Variants in REC114 observed in about 807,000 individuals in gnomAD.
REC114 encodes meiotic recombination protein REC114.
A neutral mutation model predicts 31.3 loss-of-function variants in REC114; 27 were observed. The observed-to-expected ratio is 0.86, with a 90% CI of 0.64 to 1.19. REC114 has a LOEUF of 1.19. Ranked by LOEUF, REC114 falls within the 50% of genes most tolerant of loss-of-function variation. The probability of loss-of-function intolerance (pLI) is 0.00; values close to 1 mark genes in which losing one functional copy is unlikely to be tolerated. For missense variants in REC114, 344 were observed against 326.9 expected (o/e 1.05, Z -0.40); for synonymous variants, 134 against 127.7 (o/e 1.05, Z -0.33).
At chr15:73,509,219 G>GT (rs912164883) in intron 2 of REC114, among the ~76,000 whole-genome samples, 28 of 151,546 alleles carry the variant, frequency 1.8e-4, no homozygotes, top group Non-Finnish European at 3.7e-4. Context: ...TTTTTCATGT[G>GT]TTTTTTGGCT....
At chr15:73,534,729 AAG>A (rs548122764) in intron 2 of REC114, among the ~76,000 whole-genome samples, 10,556 of 151,838 alleles carry the variant, frequency 0.07, 460 homozygotes, top group African/African-American at 0.12. Context: ...CACAACAAAA[AAG>A]AGAATTTTAG....
At chr15:73,499,758 A>G (rs189660326) in intron 2 of REC114, among the ~76,000 whole-genome samples, 2 of 152,246 alleles carry the variant, frequency 1.3e-5, no homozygotes, top group Admixed American at 6.5e-5. Flanking sequence ...CTGACTTTTC[A>G]GTCCTGTTTC....
chr15:73,498,204 A>G (rs1893555055), intron 2 of REC114, among the ~76,000 whole-genome samples: 1 of 151,182 alleles, frequency 6.6e-6, no homozygotes, highest in Non-Finnish European at 1.5e-5. Context: ...TTAGATACCT[A>G]TGACAATACT....
chr15:73,511,723 G>A (rs1221397829), intron 2 of REC114, among the ~76,000 whole-genome samples: 4 of 147,894 alleles, frequency 2.7e-5, no homozygotes, highest in African/African-American at 7.5e-5. Flanking sequence ...TTCAGGAGCA[G>A]GTTGTTCAGT....
intron 1 of REC114, among the ~76,000 whole-genome samples, chr15:73,454,048 C>T (rs1186751527): frequency 6.6e-6 from 1 of 152,010 alleles, no homozygotes; most frequent in African/African-American, 2.4e-5. Flanking sequence ...AGCAAACCAC[C>T]ATAGCACGTG....
chr15:73,461,966 C>T (rs1356336803), intron 1 of REC114, among the ~76,000 whole-genome samples: 1 of 113,538 alleles, frequency 8.8e-6, no homozygotes, highest in Non-Finnish European at 1.7e-5. Flanking sequence ...GAGTCTTACT[C>T]TGTCACCCAG....
At chr15:73,456,091 G>A (rs527353122) in intron 1 of REC114, among the ~76,000 whole-genome samples, 8 of 152,268 alleles carry the variant, frequency 5.3e-5, no homozygotes, top group Non-Finnish European at 7.4e-5. Flanking sequence ...GCCATCTGTC[G>A]TCATTTAAGT....
rs928247630 is a variant in REC114 at position 73,469,536 on chromosome 15, C to A, written c.160-4296C>A. ...CCTCGAACTCCTGAGCTCAAGTGAT[C>A]CTTCTGCTTCAGCCTCCCAAGCAGC... On this transcript the variant is annotated intron_variant, in intron 1 of 5. Coordinates refer to ENST00000331090, the MANE Select transcript of REC114 (RefSeq NM_001042367.2). Among the ~76,000 whole-genome samples the A allele has an allele frequency of 2.6e-5, 4 of 152,172 alleles. No homozygotes were observed. In the East Asian group the frequency reaches 7.7e-4, roughly 29 times the overall value.
chr15:73,497,116 A>G (rs1893539618), intron 2 of REC114, among the ~76,000 whole-genome samples: 2 of 152,128 alleles, frequency 1.3e-5, no homozygotes, highest in Non-Finnish European at 2.9e-5. Flanking sequence ...AGTTTGCTCC[A>G]TTGTAGTTAC....
intron 3 of REC114, 28 bp from the exon 4 acceptor site, chr15:73,550,910 T>C: frequency 6.2e-7 from 1 of 1,605,518 alleles, no homozygotes; most frequent in Non-Finnish European, 8.5e-7. Flanking sequence ...TGAGGGTCTC[T>C]CATGATAACT....
At chr15:73,528,389 G>A (rs1336546092) in intron 2 of REC114, among the ~76,000 whole-genome samples, 1 of 152,106 alleles carries the variant, frequency 6.6e-6, no homozygotes, top group African/African-American at 2.4e-5. Context: ...CTGTCACTTA[G>A]GAAGTAATCT....
chr15:73,445,845 T>C (rs949703587), intron 1 of REC114, among the ~76,000 whole-genome samples: 2 of 151,960 alleles, frequency 1.3e-5, no homozygotes, highest in Admixed American at 1.3e-4. Flanking sequence ...CACCATCATA[T>C]ATAATAATAA....
chr15:73,493,531 A>G (rs1286748984), intron 2 of REC114, among the ~76,000 whole-genome samples: 3 of 149,490 alleles, frequency 2.0e-5, no homozygotes, highest in East Asian at 2.0e-4. Flanking sequence ...TTTTTATTTT[A>G]TTTATCCTCA....
chr15:73,521,384 C>G lies in REC114; in HGVS notation c.250-19101C>G, dbSNP rs566032284. 3.3e-5 allele frequency among the ~76,000 whole-genome samples: 5 copies of G among 152,130 alleles called. No individual in the cohort carries two copies. The South Asian group carries it at 1.0e-3, about 32-fold the overall frequency. ...TGCTTGAGGAAATTCTGTAGTTGTACAAGCATATTAGAAAAGATGTAAGAG... is the reference window on the plus strand; with the variant it reads ...TGCTTGAGGAAATTCTGTAGTTGTAGAAGCATATTAGAAAAGATGTAAGAG... On this transcript the variant is annotated intron_variant, in intron 2 of 5. Coordinates refer to ENST00000331090, the MANE Select transcript of REC114 (RefSeq NM_001042367.2).
chr15:73,505,302 T>A (rs183156206), intron 2 of REC114, among the ~76,000 whole-genome samples: 1 of 152,338 alleles, frequency 6.6e-6, no homozygotes, highest in East Asian at 1.9e-4. Context: ...GTTTCACACA[T>A]GTGGATTGTT....
chr15:73,488,644 A>T (rs369970444), intron 2 of REC114, among the ~76,000 whole-genome samples: 11 of 152,180 alleles, frequency 7.2e-5, no homozygotes, highest in African/African-American at 2.7e-4. Flanking sequence ...CCAGTTTCTA[A>T]TAAGATATTA....
chr15:73,473,310 A>T (rs973782793), intron 1 of REC114, among the ~76,000 whole-genome samples: 8 of 152,058 alleles, frequency 5.3e-5, no homozygotes. Context: ...AATCGCTTGA[A>T]CACAGGAGGC....
At chr15:73,536,299 G>A (rs118191713) in intron 2 of REC114, among the ~76,000 whole-genome samples, 258 of 152,290 alleles carry the variant, frequency 1.7e-3, no homozygotes, top group Non-Finnish European at 2.9e-3. Context: ...TCAATTAACA[G>A]TAACTTCCTT....
At chr15:73,474,467 A>T (rs796245708) in intron 2 of REC114, among the ~76,000 whole-genome samples, 26 of 152,342 alleles carry the variant, frequency 1.7e-4, no homozygotes, top group African/African-American at 6.0e-4. Context: ...GGTACATAGA[A>T]ACCAAATGAA....
Sources: gnomAD v4.1 joint callset for allele counts (sites outside exome capture counted in the v4.1 genomes callset) on GRCh38, gnomAD v4.1.1 for gene constraint, MANE v1.5 for transcripts, NCBI Gene and HGNC (gene_info 2026-07-23, HGNC 2026-07-21) for gene names.